AFAP1L2: variants seen among roughly 807,000 people sequenced by gnomAD.
The protein encoded by AFAP1L2 is actin filament associated protein 1 like 2.
In AFAP1L2, 46 loss-of-function variants were observed where a neutral mutation model predicts 99.3. The ratio of observed to expected loss-of-function variants is 0.46; its 90% CI spans 0.37 to 0.59. The LOEUF (loss-of-function observed/expected upper bound fraction) is 0.59, where lower values mean the gene tolerates loss of function less well. Among genes scored for constraint, AFAP1L2 ranks in the 20% least tolerant of loss-of-function variants. The pLI, the probability that AFAP1L2 is intolerant of heterozygous loss-of-function variation, is 0.00. For synonymous variants in AFAP1L2, 397 were observed against 419.1 expected (o/e 0.95, Z 0.64); for missense variants, 959 against 1,034.9 (o/e 0.93, Z 1.01).
intron 17 of AFAP1L2, 31 bp from the exon 18 acceptor site, chr10:114,297,131 G>C: frequency 6.2e-7 from 1 of 1,612,944 alleles, no homozygotes; most frequent in Non-Finnish European, 8.5e-7. Flanking sequence ...CAAGGGCTGA[G>C]TCAAGGGGAG....
At chr10:114,385,598 C>G (rs1407962608) in intron 1 of AFAP1L2, among the ~76,000 whole-genome samples, 1 of 152,162 alleles carries the variant, frequency 6.6e-6, no homozygotes, top group African/African-American at 2.4e-5. Context: ...TCAATGTCTT[C>G]CATCCTCAGA....
At chr10:114,328,749 G>A (rs1306065330) in intron 4 of AFAP1L2, among the ~76,000 whole-genome samples, 2 of 152,194 alleles carry the variant, frequency 1.3e-5, no homozygotes, top group East Asian at 3.9e-4. Flanking sequence ...GGGGGCCTTG[G>A]ACTAAGAGTG....
chr10:114,316,220 G>A (rs894318752), intron 5 of AFAP1L2, among the ~76,000 whole-genome samples: 1 of 152,252 alleles, frequency 6.6e-6, no homozygotes. Context: ...GGCTCAGGAG[G>A]AAGAGAACGC....
chr10:114,384,230 C>G (rs1983760), intron 1 of AFAP1L2, among the ~76,000 whole-genome samples: 1 of 151,982 alleles, frequency 6.6e-6, no homozygotes, highest in Non-Finnish European at 1.5e-5. Context: ...TTGGCAGCCA[C>G]GAATCCCATC....
At chr10:114,362,596 T>C (rs1299665067) in intron 1 of AFAP1L2, among the ~76,000 whole-genome samples, 1 of 152,132 alleles carries the variant, frequency 6.6e-6, no homozygotes, top group African/African-American at 2.4e-5. Context: ...ACACCTTGAT[T>C]TTGGACTCTG....
intron 7 of AFAP1L2, 26 bp from the exon 8 acceptor site, chr10:114,310,469 A>G: frequency 1.2e-6 from 2 of 1,606,938 alleles, no homozygotes. Context: ...AGCCGTCAGC[A>G]GAGGCTGAGG....
In AFAP1L2 at chr10:114,315,516, C is replaced by CTA. The variant is rs397687446; in HGVS notation, c.612+43_612+44insTA. ...TCCTTCCCTGTCCCTGCCCCTTCCC[C>CTA]AAGGAGAGGAGTCGGGGGACAAGAC... On this transcript the variant is annotated intron_variant, in intron 6 of 18. Coordinates refer to ENST00000304129, the MANE Select transcript of AFAP1L2 (RefSeq NM_001001936.3). 6.6e-5 allele frequency: 106 copies of CTA among 1,601,868 alleles called. 1 individual carries two copies. The Middle Eastern group carries it at 1.1e-3, about 16-fold the overall frequency.
chr10:114,313,818 G>A (rs959075126), intron 7 of AFAP1L2, 53 bp downstream of exon 7: 1 of 1,521,098 alleles, frequency 6.6e-7, no homozygotes, highest in African/African-American at 1.4e-5. Flanking sequence ...CTTTAGAAAA[G>A]CTGGGGGCCA....
chr10:114,322,270 A>C (rs1235686977), intron 5 of AFAP1L2, among the ~76,000 whole-genome samples: 3 of 152,158 alleles, frequency 2.0e-5, no homozygotes, highest in Admixed American at 2.0e-4. Flanking sequence ...ACACTAAGTT[A>C]GGTCAGTCCC....
chr10:114,352,977 G>A (rs1369574349), intron 1 of AFAP1L2, among the ~76,000 whole-genome samples: 1 of 152,158 alleles, frequency 6.6e-6, no homozygotes, highest in Non-Finnish European at 1.5e-5. Context: ...TTTCCCTGGG[G>A]AAACCCCCTT....
At chr10:114,299,163 A>G in intron 16 of AFAP1L2, 97 bp downstream of exon 16, 1 of 1,469,132 alleles carries the variant, frequency 6.8e-7, no homozygotes, top group Admixed American at 1.9e-5. Context: ...GGGCCCACTG[A>G]TTGAGAAGGT....
chr10:114,326,773 T>C (rs1345910656), intron 4 of AFAP1L2, among the ~76,000 whole-genome samples: 1 of 152,194 alleles, frequency 6.6e-6, no homozygotes, highest in Non-Finnish European at 1.5e-5. Context: ...AAGGGGAGAA[T>C]AGAAATATCT....
chr10:114,314,166 G>T, intron 6 of AFAP1L2, 116 bp from the exon 7 acceptor site: 1 of 1,027,638 alleles, frequency 9.7e-7, no homozygotes, highest in Non-Finnish European at 1.4e-6. Flanking sequence ...ACTTAACCCA[G>T]CAAGACTAAG....
At chr10:114,320,205 C>T (rs2044945427) in intron 5 of AFAP1L2, among the ~76,000 whole-genome samples, 2 of 152,204 alleles carry the variant, frequency 1.3e-5, no homozygotes, top group Middle Eastern at 3.2e-3. Context: ...GCAAGCAGGG[C>T]AGACCCCGAT....
intron 1 of AFAP1L2, among the ~76,000 whole-genome samples, chr10:114,364,575 TC>T (rs1448358786): frequency 6.6e-6 from 1 of 152,212 alleles, no homozygotes; most frequent in Non-Finnish European, 1.5e-5. Context: ...AGGACACCAG[TC>T]ACGGGATAAG....
the AFAP1L2 span, chr10:114,281,799 G>A: frequency 1.0e-6 from 1 of 964,152 alleles, no homozygotes; most frequent in Non-Finnish European, 1.2e-6. Context: ...GAAAAGTGAA[G>A]ATAGAATTAC....
chr10:114,296,595 G>A (rs937140208), intron 18 of AFAP1L2: 3 of 242,054 alleles, frequency 1.2e-5, no homozygotes, highest in Non-Finnish European at 2.4e-5. Flanking sequence ...AACCACCTAT[G>A]TGAGTCTGTT....
Position 114,331,826 on chromosome 10 carries a change from GA to G in AFAP1L2, c.291del (p.Pro98GlnfsTer8). 1 of 1,395,006 alleles carries G rather than the reference GA, an allele frequency of 7.2e-7. No individual in the cohort carries two copies. Among genetic ancestry groups the G allele is most frequent in the South Asian group, 1.7e-5 (1 of 57,944 alleles). The allele number at this position is 1,395,006 out of a possible 1,614,324, so 86.4% of individuals were successfully genotyped here. ...ACCATCTTGGGTGGCGGGAGGTCTGGAAGGCTCTTCTGAGGGGCCGAGGAGT... is the reference window on the plus strand; with the variant it reads ...ACCATCTTGGGTGGCGGGAGGTCTGGAGGCTCTTCTGAGGGGCCGAGGAGT... ...SQHSSAPQKS[L>X]PDLPPPKMIP... On this transcript the variant is annotated frameshift_variant, in exon 4 of 19. Transcript: ENST00000304129. LOFTEE classifies it high-confidence loss of function.
At chr10:114,370,760 G>A (rs1285498504) in intron 1 of AFAP1L2, among the ~76,000 whole-genome samples, 1 of 152,192 alleles carries the variant, frequency 6.6e-6, no homozygotes, top group Non-Finnish European at 1.5e-5. Flanking sequence ...ATGAAATTCT[G>A]CGGAGGGGAC....
Sources: gnomAD v4.1 joint callset for allele counts (sites outside exome capture counted in the v4.1 genomes callset) on GRCh38, gnomAD v4.1.1 for gene constraint, MANE v1.5 for transcripts, NCBI Gene and HGNC (gene_info 2026-07-23, HGNC 2026-07-21) for gene names.